Variants in PTPN14 observed in about 807,000 individuals in gnomAD.
PTPN14 encodes tyrosine-protein phosphatase non-receptor type 14.
A neutral mutation model predicts 126.8 loss-of-function variants in PTPN14; 53 were observed. The ratio of observed to expected loss-of-function variants is 0.42; its 90% CI spans 0.34 to 0.53. PTPN14 has a LOEUF of 0.53. Ranked by LOEUF, PTPN14 falls within the 20% of genes least tolerant of loss-of-function variation. PTPN14 has a pLI of 0.08. For synonymous variants in PTPN14, 630 were observed against 599.3 expected (o/e 1.05, Z -0.75); for missense variants, 1,257 against 1,552.9 (o/e 0.81, Z 3.20).
At chr1:214,371,175 A>G (rs1338267674) in intron 16 of PTPN14, among the ~76,000 whole-genome samples, 1 of 152,108 alleles carries the variant, frequency 6.6e-6, no homozygotes, top group East Asian at 1.9e-4. Context: ...CTCACCTCCA[A>G]TGCCACTCCC....
At chr1:214,536,101 A>G (rs1292458559) in intron 1 of PTPN14, among the ~76,000 whole-genome samples, 1 of 151,940 alleles carries the variant, frequency 6.6e-6, no homozygotes, top group Admixed American at 6.6e-5. Context: ...TAACAACAAC[A>G]AAAAAAGGCC....
At chr1:214,462,147 C>A (rs562349715) in intron 2 of PTPN14, among the ~76,000 whole-genome samples, 33 of 152,222 alleles carry the variant, frequency 2.2e-4, no homozygotes, top group Admixed American at 9.8e-4. Context: ...TGGTCGAATG[C>A]GGATGCACCC....
At chr1:214,508,925 G>C (rs1261539438) in intron 1 of PTPN14, among the ~76,000 whole-genome samples, 1 of 152,210 alleles carries the variant, frequency 6.6e-6, no homozygotes, top group Non-Finnish European at 1.5e-5. Context: ...AATTTTGTTA[G>C]AGCCGTAGGT....
At chr1:214,518,435 T>C (rs535288975) in intron 1 of PTPN14, among the ~76,000 whole-genome samples, 479 of 152,356 alleles carry the variant, frequency 3.1e-3, no homozygotes, top group African/African-American at 0.011. Context: ...ATATTAAATA[T>C]GTTACATTAC....
chr1:214,405,732 A>C (rs972820295), intron 5 of PTPN14, among the ~76,000 whole-genome samples: 1 of 152,198 alleles, frequency 6.6e-6, no homozygotes, highest in African/African-American at 2.4e-5. Context: ...CAACTAAATA[A>C]ACAGTTATTG....
chr1:214,398,005 G>T lies in PTPN14; in HGVS notation c.670-4C>A, dbSNP rs1000007993. 1.9e-6 allele frequency: 3 copies of T among 1,601,084 alleles called. No homozygotes were observed. The highest frequency in any genetic ancestry group is 2.6e-6 in the Non-Finnish European group (3 of 1,169,208). On this transcript the variant is annotated splice_region_variant and splice_polypyrimidine_tract_variant and intron_variant, in intron 7 of 18. Transcript: ENST00000366956. ...GTACACAGTTTCCATGATTGTCCTG[G>T]GTAAGACCAACAAAAGATACTTGTG...
At chr1:214,412,909 A>T (rs1659341137) in intron 4 of PTPN14, among the ~76,000 whole-genome samples, 1 of 152,230 alleles carries the variant, frequency 6.6e-6, no homozygotes, top group African/African-American at 2.4e-5. Context: ...TTGCTTTGTC[A>T]TCTGGGCTGG....
intron 17 of PTPN14, among the ~76,000 whole-genome samples, chr1:214,365,319 C>A (rs377078761): frequency 2.6e-5 from 4 of 152,116 alleles, no homozygotes; most frequent in East Asian, 1.9e-4. Context: ...ACCCCCCATG[C>A]CTTCTAGCAT....
chr1:214,500,929 T>G (rs1298616015), intron 1 of PTPN14, among the ~76,000 whole-genome samples: 1 of 152,222 alleles, frequency 6.6e-6, no homozygotes, highest in African/African-American at 2.4e-5. Context: ...AAACATCTGG[T>G]CCTTCGTAAT....
chr1:214,530,337 C>CTTTTTTTTTTTTTTTTT (rs1219471589), intron 1 of PTPN14: 14 of 129,062 alleles, frequency 1.1e-4, no homozygotes, highest in Non-Finnish European at 1.6e-4. Context: ...CTTTTCTTTT[C>CTTTTTTTTTTTTTTTTT]TTTTTTTTTT....
chr1:214,357,773 A>G lies in PTPN14; in HGVS notation c.*149T>C. The G allele has an allele frequency of 3.4e-6, 2 of 584,478 alleles. No individual in the cohort carries two copies. Among genetic ancestry groups the G allele is most frequent in the Non-Finnish European group, 3.1e-6 (1 of 324,430 alleles). The allele number at this position is 584,478 out of a possible 1,614,324, so 36.2% of individuals were successfully genotyped here. On this transcript the variant is annotated 3_prime_UTR_variant, in exon 19 of 19. Transcript: ENST00000366956. ...TATCTCATATAAAATAATACATGGT[A>G]TGTGTGAATAATCTTGGCTACTGTC...
intron 10 of PTPN14, among the ~76,000 whole-genome samples, chr1:214,392,860 A>G (rs1478855367): frequency 1.3e-5 from 2 of 152,232 alleles, no homozygotes; most frequent in Non-Finnish European, 1.5e-5. Flanking sequence ...CGCGTTCTTC[A>G]GCAGGAACTG....
At chr1:214,409,056 CTAAT>C (rs1454739975) in intron 5 of PTPN14, among the ~76,000 whole-genome samples, 1 of 152,202 alleles carries the variant, frequency 6.6e-6, no homozygotes, top group Non-Finnish European at 1.5e-5. Flanking sequence ...GCAAGTTAGT[CTAAT>C]TAACATATCC....
Position 214,539,027 on chromosome 1 carries a change from G to A in PTPN14, c.-155+12156C>T, listed in dbSNP as rs1432296237. Among the ~76,000 whole-genome samples, 4 of 152,094 alleles carry A rather than the reference G, an allele frequency of 2.6e-5. No homozygotes were observed. The South Asian group carries it at 6.2e-4, about 24-fold the overall frequency. ...TTTGCTTTGAATTTGCTCTTGTTAT[G>A]TGCTACAAAACACAAAAGTCTAGCT... On this transcript the variant is annotated intron_variant, in intron 1 of 18. Transcript: ENST00000366956.
At chr1:214,446,366 T>C (rs2102627211) in intron 3 of PTPN14, among the ~76,000 whole-genome samples, 1 of 152,326 alleles carries the variant, frequency 6.6e-6, no homozygotes, top group African/African-American at 2.4e-5. Flanking sequence ...GAGTTATCCA[T>C]TTCTTATCCA....
chr1:214,505,942 G>A (rs6690349), intron 1 of PTPN14, among the ~76,000 whole-genome samples: 17,542 of 152,110 alleles, frequency 0.12, 2,865 homozygotes, highest in African/African-American at 0.37. Flanking sequence ...AACTCAGAGC[G>A]AATAGTCAGT....
intron 15 of PTPN14, among the ~76,000 whole-genome samples, chr1:214,373,608 C>CACACACA: frequency 7.2e-6 from 1 of 138,574 alleles, no homozygotes; most frequent in African/African-American, 2.8e-5. Context: ...CACACACACA[C>CACACACA]CTGGTCATGA....
At chr1:214,424,278 G>A (rs1268251387) in intron 3 of PTPN14, among the ~76,000 whole-genome samples, 2 of 150,722 alleles carry the variant, frequency 1.3e-5, no homozygotes, top group African/African-American at 4.9e-5. Context: ...CTGGGCAACA[G>A]AGTGAGACTC....
At chr1:214,380,101 G>A (rs1571960754) in intron 13 of PTPN14, among the ~76,000 whole-genome samples, 1 of 152,118 alleles carries the variant, frequency 6.6e-6, no homozygotes, top group Non-Finnish European at 1.5e-5. Flanking sequence ...TTAGGTCTTT[G>A]TTTGCTTGCT....
Sources: gnomAD v4.1 joint callset for allele counts (sites outside exome capture counted in the v4.1 genomes callset) on GRCh38, gnomAD v4.1.1 for gene constraint, MANE v1.5 for transcripts, NCBI Gene and HGNC (gene_info 2026-07-23, HGNC 2026-07-21) for gene names.